The following GRAMD1C variants were observed in gnomAD, a reference collection of about 807,000 sequenced individuals.
The protein encoded by GRAMD1C is GRAM domain containing 1C.
Under a neutral mutation model 97.8 loss-of-function variants are expected in GRAMD1C, and 89 were observed. That is an observed-to-expected ratio of 0.91 (90% CI 0.77 to 1.09). GRAMD1C has a LOEUF of 1.09. Ranked by LOEUF, GRAMD1C falls within the 50% of genes least tolerant of loss-of-function variation. The probability of loss-of-function intolerance (pLI) is 0.00; values close to 1 mark genes in which losing one functional copy is unlikely to be tolerated. For synonymous variants in GRAMD1C, 256 were observed against 267.0 expected (o/e 0.96, Z 0.40); for missense variants, 740 against 766.4 (o/e 0.97, Z 0.41).
At chr3:113,922,468 G>C (rs954457841) in intron 10 of GRAMD1C, among the ~76,000 whole-genome samples, 9 of 152,132 alleles carry the variant, frequency 5.9e-5, no homozygotes, top group Admixed American at 2.0e-4. Flanking sequence ...TGTAAGGAAG[G>C]GGGCTAGTTT....
At chr3:113,910,947 C>G (rs544572507) in intron 9 of GRAMD1C, among the ~76,000 whole-genome samples, 1 of 152,212 alleles carries the variant, frequency 6.6e-6, no homozygotes, top group African/African-American at 2.4e-5. Flanking sequence ...GCTGCCATAA[C>G]AAAATACTAC....
At chr3:113,877,089 C>T (rs1020623879) in intron 5 of GRAMD1C, among the ~76,000 whole-genome samples, 5 of 152,140 alleles carry the variant, frequency 3.3e-5, no homozygotes, top group African/African-American at 1.2e-4. Flanking sequence ...TCATGCGATC[C>T]TCCAACCTTA....
chr3:113,885,478 A>G lies in GRAMD1C; in HGVS notation c.540+2646A>G, dbSNP rs1032135485. On this transcript the variant is annotated intron_variant, in intron 6 of 17. Coordinates refer to ENST00000358160, the MANE Select transcript of GRAMD1C (RefSeq NM_017577.5). ...CCGGAATTGGCTAGCCCAGGTGAGG[A>G]GGAAGATCCTGGTGCTGGATCTGGA... 5.6e-6 allele frequency: 9 copies of G among 1,603,374 alleles called. No individual in the cohort carries two copies. The Admixed American group carries it at 1.0e-4, about 18-fold the overall frequency.
intron 3 of GRAMD1C, among the ~76,000 whole-genome samples, chr3:113,872,917 C>CAAAAA (rs1173058062): frequency 1.6e-5 from 1 of 64,434 alleles, no homozygotes. Flanking sequence ...ACTAAAAATA[C>CAAAAA]AAAAAAAAAA....
chr3:113,831,882 G>C (rs949045792), intron 1 of GRAMD1C, among the ~76,000 whole-genome samples: 1 of 152,138 alleles, frequency 6.6e-6, no homozygotes, highest in African/African-American at 2.4e-5. Context: ...ATATGAAATA[G>C]TTGATTTAAA....
intron 1 of GRAMD1C, among the ~76,000 whole-genome samples, chr3:113,828,813 A>G (rs759030145): frequency 1.2e-4 from 19 of 152,006 alleles, no homozygotes; most frequent in Non-Finnish European, 2.4e-4. Flanking sequence ...AACAATCTGA[A>G]CCACCACTCC....
At chr3:113,856,174 C>T (rs1934119959) in intron 2 of GRAMD1C, among the ~76,000 whole-genome samples, 1 of 152,150 alleles carries the variant, frequency 6.6e-6, no homozygotes, top group South Asian at 2.1e-4. Flanking sequence ...AGGTGTGAGC[C>T]ACCCTGCCCA....
At chr3:113,867,388 G>T (rs1934623786) in intron 2 of GRAMD1C, among the ~76,000 whole-genome samples, 2 of 152,044 alleles carry the variant, frequency 1.3e-5, no homozygotes, top group South Asian at 2.1e-4. Context: ...TGCATCCAGG[G>T]TTCAAAAGAT....
intron 1 of GRAMD1C, among the ~76,000 whole-genome samples, chr3:113,844,195 G>A (rs1933506265): frequency 1.3e-5 from 2 of 152,298 alleles, no homozygotes; most frequent in South Asian, 2.1e-4. Flanking sequence ...TCTGGAGGCT[G>A]AGGTAGGAGG....
intron 2 of GRAMD1C, among the ~76,000 whole-genome samples, chr3:113,856,477 C>G (rs945368146): frequency 2.0e-5 from 3 of 152,140 alleles, no homozygotes; most frequent in Non-Finnish European, 2.9e-5. Context: ...ACTGCCACCC[C>G]CTATGTTACC....
At chr3:113,888,003 A>T (rs1418253299) in intron 6 of GRAMD1C, among the ~76,000 whole-genome samples, 3 of 152,166 alleles carry the variant, frequency 2.0e-5, no homozygotes, top group African/African-American at 7.2e-5. Context: ...ATGATAAAGA[A>T]CCTACCACAG....
intron 2 of GRAMD1C, among the ~76,000 whole-genome samples, chr3:113,846,036 T>C (rs1426610599): frequency 6.6e-6 from 1 of 152,194 alleles, no homozygotes; most frequent in Non-Finnish European, 1.5e-5. Flanking sequence ...GTCATGTCTA[T>C]TGACTATATT....
chr3:113,919,078 G>A, intron 10 of GRAMD1C: 1 of 164,118 alleles, frequency 6.1e-6, no homozygotes, highest in South Asian at 1.6e-4. Flanking sequence ...ATTATTTGTG[G>A]ATTAAATCTA....
intron 1 of GRAMD1C, among the ~76,000 whole-genome samples, chr3:113,841,585 C>G (rs1933316900): frequency 6.6e-6 from 1 of 152,256 alleles, no homozygotes; most frequent in Non-Finnish European, 1.5e-5. Flanking sequence ...AGCCACCGTG[C>G]CTGGCTGAAG....
At chr3:113,869,181 C>T (rs985123114) in intron 2 of GRAMD1C, among the ~76,000 whole-genome samples, 1 of 152,052 alleles carries the variant, frequency 6.6e-6, no homozygotes, top group African/African-American at 2.4e-5. Context: ...CCATCCTTAC[C>T]TAAGTTCAGT....
chr3:113,849,715 A>G (rs1051522886), intron 2 of GRAMD1C, among the ~76,000 whole-genome samples: 10 of 152,202 alleles, frequency 6.6e-5, no homozygotes, highest in Non-Finnish European at 1.0e-4. Flanking sequence ...CAGGGCAACC[A>G]TCCGATTTCT....
chr3:113,936,268 T>A lies in GRAMD1C; in HGVS notation c.1459T>A (p.Ser487Thr). The A allele has an allele frequency of 6.6e-7, 1 of 1,525,202 alleles. No homozygotes were observed. The highest frequency in any genetic ancestry group is 9.0e-7 in the Non-Finnish European group (1 of 1,114,366). 94.5% of individuals were successfully genotyped at this position (1,525,202 alleles called of 1,614,324 possible). A position where few individuals can be genotyped will look rare whatever the true frequency, so the allele number is the denominator to read the frequency against. ...AAGATTGTTTTTTTTTTTCTTAGAA[T>A]CAGATTTGTTAATTGAAGAATCTGT... is the stretch of plus-strand genomic sequence containing the variant. ...SLEDYFKQLE[S>T]DLLIEESVLN... is the part of the protein sequence containing the mutation. Residue 487 changes from serine (S) to threonine (T), a missense_variant and splice_region_variant, in exon 14 of 18, where the codon TCA becomes ACA. Transcript: ENST00000358160.
chr3:113,909,433 T>C (rs1056161697), intron 9 of GRAMD1C, among the ~76,000 whole-genome samples: 12 of 152,238 alleles, frequency 7.9e-5, no homozygotes, highest in African/African-American at 2.9e-4. Context: ...ATAGGTAGAG[T>C]GACATATTAT....
chr3:113,886,489 G>C (rs1461654823), intron 6 of GRAMD1C, among the ~76,000 whole-genome samples: 1 of 152,100 alleles, frequency 6.6e-6, no homozygotes, highest in Non-Finnish European at 1.5e-5. Context: ...CTGGGATTTT[G>C]GGCCACTGGA....
Sources: gnomAD v4.1 joint callset for allele counts (sites outside exome capture counted in the v4.1 genomes callset) on GRCh38, gnomAD v4.1.1 for gene constraint, MANE v1.5 for transcripts, NCBI Gene and HGNC (gene_info 2026-07-23, HGNC 2026-07-21) for gene names.